VSIG4: variants seen among roughly 807,000 people sequenced by gnomAD.
VSIG4 encodes the protein V-set and immunoglobulin domain-containing protein 4.
VSIG4 carries 34 observed loss-of-function variants against 23.4 expected under a neutral mutation model. The ratio of observed to expected loss-of-function variants is 1.45; its 90% CI spans 1.10 to 1.93. The LOEUF is 1.93. Ranked by LOEUF, VSIG4 falls within the 30% of genes most tolerant of loss-of-function variation. The probability of loss-of-function intolerance (pLI) is 0.00; values close to 1 mark genes in which losing one functional copy is unlikely to be tolerated. For missense variants in VSIG4, 433 were observed against 310.8 expected (o/e 1.39, Z -2.96); for synonymous variants, 169 against 120.3 (o/e 1.41, Z -2.65).
chrX:66,028,071 T>A lies in VSIG4; in HGVS notation c.736A>T (p.Thr246Ser), dbSNP rs200800442. The part of the protein sequence containing the change: ...LLKTKTEAPT[T>S]MTYPLKATST... Reference sequence around the variant, plus strand: ...TCACCTTTCAAGGGGTATGTCATGGTTGTAGGTGCCTCAGTCTTGGTCTTG... The same window carrying A: ...TCACCTTTCAAGGGGTATGTCATGGATGTAGGTGCCTCAGTCTTGGTCTTG... Residue 246 changes from threonine to serine, a missense_variant, in exon 4 of 8, where the codon ACC (threonine) becomes TCC (serine). Thr to Ser is a moderately conservative substitution (Grantham distance 58). Coordinates refer to ENST00000374737, the MANE Select transcript of VSIG4 (RefSeq NM_007268.3). 19 of 1,209,142 alleles carry A rather than the reference T, an allele frequency of 1.6e-5. No individual in the cohort carries two copies. In the Admixed American group the frequency reaches 3.7e-4, roughly 24 times the overall value.
intron 3 of VSIG4, among the ~76,000 whole-genome samples, chrX:66,028,743 C>T (rs897029974): frequency 1.7e-4 from 18 of 109,056 alleles, no homozygotes; most frequent in Non-Finnish European, 2.7e-4. Flanking sequence ...ACATACAACC[C>T]CATTCCAGGT....
chrX:66,028,138 A>C (rs368902889), intron 3 of VSIG4, 26 bp from the exon 4 acceptor site: 5 of 1,177,831 alleles, frequency 4.2e-6, no homozygotes, highest in African/African-American at 1.8e-5. Context: ...AACCGATTGA[A>C]GGGACCTGGT....
chrX:66,022,845 C>T lies in VSIG4; in HGVS notation c.958G>A (p.Ala320Thr), dbSNP rs758316662. 28 of 1,211,603 alleles carry T rather than the reference C, an allele frequency of 2.3e-5. No homozygotes were observed. The South Asian group carries it at 2.8e-4, about 12-fold the overall frequency. Residue 320 changes from alanine to threonine, a missense_variant, in exon 7 of 8, where the codon GCC becomes ACC. Physicochemically the swap from Ala to Thr is moderately conservative, Grantham distance 58. Transcript: ENST00000374737. ...GAAGAGGAGAGACTTTCTTACCTGG[C>T]TGCTTCGTAGACATGCTCTAGAAAA... is the stretch of plus-strand genomic sequence containing the variant. ...TSQQEHVYEA[A>T]RAHAREANDS...
At chrX:66,026,747 C>T (rs1029833572) in intron 5 of VSIG4, among the ~76,000 whole-genome samples, 7 of 111,782 alleles carry the variant, frequency 6.3e-5, no homozygotes, top group Non-Finnish European at 1.1e-4. Flanking sequence ...CAGATGCCTA[C>T]TGTAGACTTG....
intron 1 of VSIG4, among the ~76,000 whole-genome samples, chrX:66,037,395 TGTA>T (rs2085615116): frequency 3.2e-5 from 1 of 31,117 alleles, no homozygotes. Flanking sequence ...ATATATATTA[TGTA>T]ATAATATTAA....
At chrX:66,036,245 C>T (rs1203413922) in intron 1 of VSIG4, among the ~76,000 whole-genome samples, 1 of 109,678 alleles carries the variant, frequency 9.1e-6, no homozygotes, top group Non-Finnish European at 1.9e-5. Context: ...TCTTCCTCCT[C>T]CTGCTTCATT....
At chrX:66,039,484 A>G (rs1413301159) in intron 1 of VSIG4, among the ~76,000 whole-genome samples, 1 of 111,890 alleles carries the variant, frequency 8.9e-6, no homozygotes, top group East Asian at 2.8e-4. Context: ...CTTATTCATG[A>G]CAATGAAGGG....
At position 66,028,498 on chromosome X, in the gene VSIG4, C is replaced by T. The variant is rs769339203; in HGVS notation, c.695-386G>A. 2.8e-5 allele frequency among the ~76,000 whole-genome samples: 3 copies of T among 108,165 alleles called. No homozygotes were observed. The South Asian group carries it at 1.2e-3, about 43-fold the overall frequency. 93.9% of individuals were successfully genotyped at this position (108,165 alleles called of 115,157 possible). On this transcript the variant is annotated intron_variant, in intron 3 of 7. Transcript: ENST00000374737. ...ATCAGTGAAAATGGTGACATAATAA[C>T]CTCCAGAAATTTACCCTTTAACAAC...
At chrX:66,029,233 G>A (rs2085436159) in intron 3 of VSIG4, among the ~76,000 whole-genome samples, 1 of 111,782 alleles carries the variant, frequency 8.9e-6, no homozygotes, top group Non-Finnish European at 1.9e-5. Context: ...AAAGATCCAT[G>A]GGGTGTAACA....
At chrX:66,028,883 G>A (rs879208177) in intron 3 of VSIG4, among the ~76,000 whole-genome samples, 1 of 111,173 alleles carries the variant, frequency 9.0e-6, no homozygotes, top group Admixed American at 9.5e-5. Context: ...CTCTCCCCAG[G>A]GATGGGGTAG....
At chrX:66,022,817 A>T in intron 7 of VSIG4, 24 bp downstream of exon 7, 1 of 1,211,439 alleles carries the variant, frequency 8.3e-7, no homozygotes, top group African/African-American at 1.7e-5. Context: ...GGGGTCAAAA[A>T]TGGAAGAGGA....
Position 66,032,749 on chromosome X carries a change from A to G in VSIG4, c.413T>C (p.Leu138Pro). 1 of 1,208,660 alleles carries G rather than the reference A, an allele frequency of 8.3e-7. No homozygotes were observed. ...TGTCACTGTGGGCTTGGAGACAGAGACTGCAAAGAAAAGACAAGACAGGAA... is the reference window on the plus strand; with the variant it reads ...TGTCACTGTGGGCTTGGAGACAGAGGCTGCAAAGAAAAGACAAGACAGGAA... ...DKITELRVQK[L>P]SVSKPTVTTG... The change falls in exon 3 of 8, where the codon CTC becomes CCC. Residue 138 changes from leucine to proline, a missense_variant and splice_region_variant. Leu to Pro is a moderately conservative substitution (Grantham distance 98). Coordinates refer to ENST00000374737, the MANE Select transcript of VSIG4 (RefSeq NM_007268.3).
At chrX:66,038,256 G>A (rs2085642427) in intron 1 of VSIG4, among the ~76,000 whole-genome samples, 1 of 111,319 alleles carries the variant, frequency 9.0e-6, no homozygotes, top group Non-Finnish European at 1.9e-5. Flanking sequence ...GAGTTGTCCA[G>A]CTGAGAAACC....
At chrX:66,036,765 A>C (rs1333175330) in intron 1 of VSIG4, among the ~76,000 whole-genome samples, 2 of 38,986 alleles carry the variant, frequency 5.1e-5, no homozygotes, top group South Asian at 3.1e-3. Context: ...ATATAATATA[A>C]TATATATTAT....
chrX:66,037,913 G>A (rs2085637472), intron 1 of VSIG4, among the ~76,000 whole-genome samples: 1 of 107,451 alleles, frequency 9.3e-6, no homozygotes, highest in Admixed American at 1.0e-4. Context: ...AATTTACTAG[G>A]TGTGTGCTCC....
rs766344790 is a variant in VSIG4 at position 66,032,205 on chromosome X, A to G, written c.694+263T>C. ...TCAATGAGAAAATGTGTGTCAAGTT[A>G]TTGTACTTTGTATCTGGCAAATACA... On this transcript the variant is annotated intron_variant, in intron 3 of 7. Coordinates refer to ENST00000374737, the MANE Select transcript of VSIG4 (RefSeq NM_007268.3). Among the ~76,000 whole-genome samples the G allele has an allele frequency of 7.2e-5, 8 of 111,862 alleles. No homozygotes were observed. The South Asian group carries it at 3.0e-3, about 42-fold the overall frequency.
At chrX:66,022,686 G>T in intron 7 of VSIG4, 155 bp downstream of exon 7, 1 of 1,138,132 alleles carries the variant, frequency 8.8e-7, no homozygotes, top group Non-Finnish European at 1.2e-6. Context: ...CTCAGAAGGT[G>T]CCTGAGAGAG....
At chrX:66,029,924 C>T (rs1431587536) in intron 3 of VSIG4, among the ~76,000 whole-genome samples, 1 of 111,415 alleles carries the variant, frequency 9.0e-6, no homozygotes, top group Non-Finnish European at 1.9e-5. Context: ...GGAGAGTCAT[C>T]AGACTACAGG....
Position 66,022,250 on chromosome X carries a change from T to A in VSIG4, c.*13A>T. 1 of 1,212,029 alleles carries A rather than the reference T, an allele frequency of 8.3e-7. No homozygotes were observed. The highest frequency in any genetic ancestry group is 1.8e-5 in the South Asian group (1 of 57,019). ...GCAATTATGTCAGCAGATCCTGGCC[T>A]AATGGGGCATTTTTAACAGACACTT... On this transcript the variant is annotated 3_prime_UTR_variant, in exon 8 of 8. Transcript: ENST00000374737.
Sources: allele counts gnomAD v4.1 joint callset (sites outside exome capture counted in the v4.1 genomes callset), GRCh38; gene constraint gnomAD v4.1.1; transcripts MANE v1.5; gene names NCBI Gene and HGNC (gene_info 2026-07-23, HGNC 2026-07-21).